Variants in TEX14 observed in about 807,000 individuals in gnomAD.
The protein encoded by TEX14 is testis expressed 14, intercellular bridge forming factor.
A neutral mutation model predicts 178.6 loss-of-function variants in TEX14; 168 were observed. The observed-to-expected ratio is 0.94, with a 90% CI of 0.83 to 1.07. The LOEUF (loss-of-function observed/expected upper bound fraction) is 1.07. Ranked by LOEUF, TEX14 falls within the 50% of genes least tolerant of loss-of-function variation. The probability of loss-of-function intolerance (pLI) is 0.00; values close to 1 mark genes in which losing one functional copy is unlikely to be tolerated. For missense variants in TEX14, 1,730 were observed against 1,753.6 expected, an observed-to-expected ratio of 0.99 and a Z score of 0.24; for synonymous variants, 626 against 634.1, an observed-to-expected ratio of 0.99 and a Z score of 0.19.
chr17:58,561,687 T>C (rs1412317846), intron 28 of TEX14, 75 bp from the exon 29 acceptor site: 5 of 989,320 alleles, frequency 5.1e-6, no homozygotes, highest in Admixed American at 1.9e-5. Context: ...CATAACACTT[T>C]AGAGTAGAAA....
At position 58,599,438 on chromosome 17, in the gene TEX14, A is replaced by T. The variant is rs768760592; in HGVS notation, c.1907T>A (p.Ile636Lys). 1.9e-6 allele frequency: 3 copies of T among 1,614,092 alleles called. No homozygotes were observed. The highest frequency in any genetic ancestry group is 2.5e-6 in the Non-Finnish European group (3 of 1,180,004). Residue 636 changes from isoleucine to lysine, a missense_variant, in exon 14 of 32, where the codon ATA becomes AAA. Physicochemically the swap from Ile to Lys is moderately radical, Grantham distance 102 (BLOSUM62 -3). This residue lies in a region of TEX14 where 941 missense variants were observed against 1,072.4 expected (regional missense o/e 0.88). Coordinates refer to ENST00000349033, the MANE Select transcript of TEX14 (RefSeq NM_031272.5). ...TGAAGCAGCTCCTGGAGGCTCTTCTATGTCATCTTCCAAAATCAAGCAGCC... is the reference window on the plus strand; with the variant it reads ...TGAAGCAGCTCCTGGAGGCTCTTCTTTGTCATCTTCCAAAATCAAGCAGCC... ...YSGCLILEDD[I>K]EEPPGAASSL...
rs1567711894 is a variant in TEX14, at chr17:58,569,901, T to G, written c.3817+484A>C. ...GAAACTGTCTTCTAAGAATCTATCCTAAGGAAAGGATCAGAGGTACAGATA... is the reference window on the plus strand; with the variant it reads ...GAAACTGTCTTCTAAGAATCTATCCGAAGGAAAGGATCAGAGGTACAGATA... On this transcript the variant is annotated intron_variant, in intron 25 of 31. Transcript: ENST00000349033. The surrounding 1 kb of genome is among the most constrained non-coding windows in gnomAD (Gnocchi z 4.1). Among the ~76,000 whole-genome samples the G allele has an allele frequency of 6.6e-6, 1 of 152,110 alleles. No individual in the cohort carries two copies. Among genetic ancestry groups the G allele is most frequent in the African/African-American group, 2.4e-5 (1 of 41,398 alleles).
chr17:58,614,929 T>C (rs886696519), intron 8 of TEX14, among the ~76,000 whole-genome samples: 9 of 152,138 alleles, frequency 5.9e-5, no homozygotes, highest in Non-Finnish European at 1.3e-4. Flanking sequence ...GACTCAGGGA[T>C]TGTAGCATGA....
intron 10 of TEX14, among the ~76,000 whole-genome samples, chr17:58,606,779 G>A (rs2045617074): frequency 6.6e-6 from 1 of 151,342 alleles, no homozygotes; most frequent in East Asian, 1.9e-4. Flanking sequence ...TGTAATCCCA[G>A]CACTTTAGGA....
At chr17:58,580,118 T>C (rs1458547079) in intron 19 of TEX14, among the ~76,000 whole-genome samples, 2 of 152,188 alleles carry the variant, frequency 1.3e-5, no homozygotes, top group Admixed American at 6.5e-5. Context: ...ATGGTTCCTT[T>C]TGGAAGAGGC....
chr17:58,678,817 G>A (rs866476630), intron 1 of TEX14, among the ~76,000 whole-genome samples: 1 of 30,742 alleles, frequency 3.3e-5, no homozygotes, highest in Non-Finnish European at 5.7e-5. Flanking sequence ...AGAACTTAAA[G>A]TATAATAATA....
rs1567713082 is a variant in TEX14, at chr17:58,572,016, A to C, written c.3622T>G (p.Leu1208Val). Residue 1208 changes from leucine (L) to valine (V), a missense_variant, in exon 24 of 32, where the codon TTG becomes GTG. By Grantham distance (32) the Leu-to-Val change is conservative. Transcript: ENST00000349033. ...CGGACACTTATAAAGTCATCAGACA[A>C]AGTTTGAATAAATTCTTGACTGTTC... ...CWNSQEFIQTLSDDFISVRER... is the reference protein window; with the variant it reads ...CWNSQEFIQTVSDDFISVRER... 1 of 1,614,070 alleles carries C rather than the reference A, an allele frequency of 6.2e-7. No individual in the cohort carries two copies. The highest frequency in any genetic ancestry group is 1.6e-4 in the Middle Eastern group (1 of 6,062).
chr17:58,683,873 T>C (rs963661289), intron 1 of TEX14, among the ~76,000 whole-genome samples: 7 of 150,740 alleles, frequency 4.6e-5, no homozygotes, highest in Non-Finnish European at 8.9e-5. Flanking sequence ...AAGACTATCC[T>C]GGCCAACATG....
At chr17:58,651,601 G>A (rs1322098413) in intron 2 of TEX14, among the ~76,000 whole-genome samples, 1 of 152,168 alleles carries the variant, frequency 6.6e-6, no homozygotes, top group African/African-American at 2.4e-5. Context: ...TCAAAGGTGG[G>A]TGACTTCAGA....
Position 58,692,035 on chromosome 17 carries a change from G to C in TEX14, c.-98C>G, listed in dbSNP as rs2047743893. ...ACGACTCCCGGGAAGACGTGGGTGG[G>C]TGCGGGGAATGCGGACTGATCCCTC... On this transcript the variant is annotated 5_prime_UTR_variant, in exon 1 of 32. Transcript: ENST00000349033. The C allele has an allele frequency of 6.5e-6, 1 of 153,944 alleles. No individual in the cohort carries two copies. The highest frequency in any genetic ancestry group is 1.9e-4 in the East Asian group (1 of 5,132). 9.5% of individuals were successfully genotyped at this position (153,944 alleles called of 1,614,324 possible). A position where few individuals can be genotyped will look rare whatever the true frequency, so the allele number is the denominator to read the frequency against.
At chr17:58,598,746 A>G in intron 14 of TEX14, 130 bp downstream of exon 14, 1 of 923,334 alleles carries the variant, frequency 1.1e-6, no homozygotes, top group East Asian at 2.4e-5. Flanking sequence ...CCTCCCACTC[A>G]GGTTACCTGA....
intron 2 of TEX14, among the ~76,000 whole-genome samples, chr17:58,637,479 GGC>G (rs1440812736): frequency 6.6e-6 from 1 of 152,124 alleles, no homozygotes; most frequent in Non-Finnish European, 1.5e-5. Flanking sequence ...AGGGGAGAGG[GGC>G]TGAAGGTTAA....
Position 58,599,178 on chromosome 17 carries a change from C to T in TEX14, c.2167G>A (p.Glu723Lys). The change falls in exon 14 of 32, where the codon GAG becomes AAG. Residue 723 changes from glutamate (E) to lysine (K), a missense_variant. This residue lies in a region of TEX14 where 941 missense variants were observed against 1,072.4 expected (regional missense o/e 0.88). Transcript: ENST00000349033. Reference sequence around the variant, plus strand: ...ACACACTTACTGATGAGATACTCCTCAGTCGTGGACATGTTGTTCAAATTG... The same window carrying T: ...ACACACTTACTGATGAGATACTCCTTAGTCGTGGACATGTTGTTCAAATTG... ...KSNLNNMSTT[E>K]EYLISKCVLD... 6.2e-7 allele frequency: 1 copy of T among 1,614,182 alleles called. No individual in the cohort carries two copies. The highest frequency in any genetic ancestry group is 2.2e-5 in the East Asian group (1 of 44,886).
At chr17:58,563,777 T>A (rs1371235469) in intron 28 of TEX14, among the ~76,000 whole-genome samples, 2 of 145,250 alleles carry the variant, frequency 1.4e-5, no homozygotes, top group Non-Finnish European at 3.0e-5. Flanking sequence ...AGATCATACA[T>A]ATATGTATAC....
At chr17:58,583,883 G>A (rs189933914) in intron 19 of TEX14, among the ~76,000 whole-genome samples, 2 of 152,226 alleles carry the variant, frequency 1.3e-5, no homozygotes, top group East Asian at 3.9e-4. Flanking sequence ...TTCATATATT[G>A]TATCATTCTC....
At chr17:58,636,213 A>G (rs1326091323) in intron 2 of TEX14, among the ~76,000 whole-genome samples, 1 of 152,192 alleles carries the variant, frequency 6.6e-6, no homozygotes, top group Non-Finnish European at 1.5e-5. Context: ...TCATTCAACA[A>G]ATAATTATTT....
chr17:58,607,388 C>G (rs1312005581), intron 10 of TEX14, among the ~76,000 whole-genome samples: 1 of 152,160 alleles, frequency 6.6e-6, no homozygotes, highest in African/African-American at 2.4e-5. Flanking sequence ...ACTTTATTCC[C>G]TCCCATTTTG....
At chr17:58,609,243 G>A (rs981532038) in intron 10 of TEX14, among the ~76,000 whole-genome samples, 6 of 152,176 alleles carry the variant, frequency 3.9e-5, no homozygotes, top group Non-Finnish European at 8.8e-5. Context: ...CCGAGTAGCC[G>A]GGACTACAGG....
chr17:58,677,862 C>G (rs35662455), intron 1 of TEX14: 12,343 of 152,346 alleles, frequency 0.081, 663 homozygotes, highest in Middle Eastern at 0.2. Flanking sequence ...AGTTTAAGAG[C>G]CAGAAATGGC....
Sources: allele counts gnomAD v4.1 joint callset (sites outside exome capture counted in the v4.1 genomes callset), GRCh38; gene constraint gnomAD v4.1.1; regional missense constraint gnomAD v4.1.1; non-coding constraint Gnocchi (gnomAD v3.1); transcripts MANE v1.5; gene names NCBI Gene and HGNC (gene_info 2026-07-23, HGNC 2026-07-21).